Variants in MCUB observed in about 807,000 individuals in gnomAD.
MCUB encodes mitochondrial calcium uniporter dominant negative subunit beta.
A neutral mutation model predicts 41.4 loss-of-function variants in MCUB; 46 were observed. The ratio of observed to expected loss-of-function variants is 1.11; its 90% CI spans 0.88 to 1.42. The LOEUF is 1.42. Among genes scored for constraint, MCUB ranks in the 40% most tolerant of loss-of-function variants. The probability of loss-of-function intolerance (pLI) is 0.00; values close to 1 mark genes in which losing one functional copy is unlikely to be tolerated. For synonymous variants in MCUB, 148 were observed against 148.2 expected, an observed-to-expected ratio of 1.00 and a Z score of 0.01; for missense variants, 403 against 404.9, an observed-to-expected ratio of 1.00 and a Z score of 0.04.
chr4:109,634,289 C>G (rs1189566924), intron 1 of MCUB, among the ~76,000 whole-genome samples: 2 of 151,928 alleles, frequency 1.3e-5, no homozygotes, highest in Admixed American at 6.6e-5. Flanking sequence ...TCGAGACCAG[C>G]CTGACTAACA....
intron 1 of MCUB, among the ~76,000 whole-genome samples, chr4:109,585,817 G>C (rs185527162): frequency 3.9e-5 from 6 of 152,254 alleles, no homozygotes; most frequent in Admixed American, 1.3e-4. Flanking sequence ...CCGAGAGATC[G>C]GCTGTTAGTC....
At chr4:109,568,870 A>G (rs769408857) in intron 1 of MCUB, among the ~76,000 whole-genome samples, 1 of 152,192 alleles carries the variant, frequency 6.6e-6, no homozygotes, top group Admixed American at 6.5e-5. Flanking sequence ...AATAGTATAT[A>G]AAGTTCCTTA....
intron 1 of MCUB, among the ~76,000 whole-genome samples, chr4:109,587,918 T>C (rs1727348175): frequency 6.6e-6 from 1 of 152,226 alleles, no homozygotes; most frequent in South Asian, 2.1e-4. Flanking sequence ...AATGAAAACT[T>C]GATAGCTATT....
chr4:109,562,890 A>C (rs563983997), intron 1 of MCUB, among the ~76,000 whole-genome samples: 14 of 152,180 alleles, frequency 9.2e-5, no homozygotes, highest in South Asian at 2.1e-4. Flanking sequence ...GGAAAAAAAA[A>C]CAGTTTGTTG....
chr4:109,580,924 G>T (rs1285953033), intron 1 of MCUB, among the ~76,000 whole-genome samples: 2 of 152,148 alleles, frequency 1.3e-5, no homozygotes, highest in East Asian at 3.8e-4. Flanking sequence ...TGGGTAGGAA[G>T]AATCAATATC....
At position 109,608,217 on chromosome 4, in the gene MCUB, C is replaced by T. The variant is rs190223275; in HGVS notation, c.99+47781C>T. The stretch of plus-strand genomic sequence containing the variant: ...GTATGTCCATTGTATTCTTCAACTC[C>T]AGAATTTCTGCTTGATTTTTAAAAA... On this transcript the variant is annotated intron_variant, in intron 1 of 7. Transcript: ENST00000394650. 7.5e-3 allele frequency among the ~76,000 whole-genome samples: 1,143 copies of T among 152,212 alleles called. 4 individuals are homozygous for T. The highest frequency in any genetic ancestry group is 0.012 in the Non-Finnish European group (812 of 68,006).
chr4:109,587,904 T>C (rs1263083302), intron 1 of MCUB, among the ~76,000 whole-genome samples: 1 of 152,142 alleles, frequency 6.6e-6, no homozygotes, highest in Non-Finnish European at 1.5e-5. Context: ...AAAATAACAG[T>C]CGAAATGAAA....
intron 1 of MCUB, among the ~76,000 whole-genome samples, chr4:109,573,452 CAAA>C (rs763163538): frequency 4.5e-5 from 4 of 88,980 alleles, no homozygotes; most frequent in Admixed American, 1.3e-4. Flanking sequence ...GACTCCATCT[CAAA>C]AAAAAAAAAA....
chr4:109,655,212 A>G (rs1729064159), intron 1 of MCUB, among the ~76,000 whole-genome samples: 1 of 152,240 alleles, frequency 6.6e-6, no homozygotes, highest in Admixed American at 6.5e-5. Flanking sequence ...AGTTTGTGTG[A>G]ACATAGTTTT....
At chr4:109,565,425 C>T (rs1171577125) in intron 1 of MCUB, among the ~76,000 whole-genome samples, 1 of 152,214 alleles carries the variant, frequency 6.6e-6, no homozygotes, top group Non-Finnish European at 1.5e-5. Context: ...GTACCTTTAA[C>T]TGACTACCAA....
chr4:109,674,112 A>T, intron 4 of MCUB: 1 of 1,437,728 alleles, frequency 7.0e-7, no homozygotes. Flanking sequence ...TCTGGGCAAA[A>T]CCTAAGCCTT....
At chr4:109,673,955 C>T (rs779108274) in intron 4 of MCUB, 3 of 825,040 alleles carry the variant, frequency 3.6e-6, no homozygotes, top group Non-Finnish European at 6.5e-6. Flanking sequence ...GCAGGTTTTG[C>T]AGCAGTTGTT....
Position 109,645,968 on chromosome 4 carries a change from TATACTC to T in MCUB, c.100-13042_100-13037del, listed in dbSNP as rs1728826512. Reference sequence around the variant, plus strand: ...GCAAGTACATACATCAGCATACAAATATACTCTGATGTCTCTCAGCTTAAGAAAGTC... The same window carrying T: ...GCAAGTACATACATCAGCATACAAATTGATGTCTCTCAGCTTAAGAAAGTC... On this transcript the variant is annotated intron_variant, in intron 1 of 7. Coordinates refer to ENST00000394650, the MANE Select transcript of MCUB (RefSeq NM_017918.5). 2.0e-5 allele frequency among the ~76,000 whole-genome samples: 3 copies of T among 152,244 alleles called. No individual in the cohort carries two copies. In the East Asian group the frequency reaches 5.8e-4, roughly 29 times the overall value.
At chr4:109,614,264 A>T (rs951979979) in intron 1 of MCUB, among the ~76,000 whole-genome samples, 1 of 122,992 alleles carries the variant, frequency 8.1e-6, no homozygotes, top group Non-Finnish European at 1.9e-5. Context: ...CCAAATACAG[A>T]GTCTCTTTCC....
intron 4 of MCUB, among the ~76,000 whole-genome samples, chr4:109,676,530 A>G (rs1432963984): frequency 2.0e-5 from 3 of 152,182 alleles, no homozygotes; most frequent in African/African-American, 7.2e-5. Flanking sequence ...TACTCTGTTC[A>G]TGACAATACA....
Position 109,603,825 on chromosome 4 carries a change from G to A in MCUB, c.99+43389G>A, listed in dbSNP as rs183569216. Among the ~76,000 whole-genome samples, 548 of 150,410 alleles carry A rather than the reference G, an allele frequency of 3.6e-3. 7 individuals are homozygous for A. The highest frequency in any genetic ancestry group is 0.014 in the East Asian group (69 of 4,992). On this transcript the variant is annotated intron_variant, in intron 1 of 7. Coordinates refer to ENST00000394650, the MANE Select transcript of MCUB (RefSeq NM_017918.5). The stretch of plus-strand genomic sequence containing the variant: ...TGGGAGGTGGGGGGCACCTCTGCCC[G>A]GCCACCACGTTTGGGAAGTGAGGAG...
Position 109,560,272 on chromosome 4 carries a change from G to A in MCUB, c.-66G>A, listed in dbSNP as rs939826983. 7 of 818,210 alleles carry A rather than the reference G, an allele frequency of 8.6e-6. No homozygotes were observed. Among genetic ancestry groups the A allele is most frequent in the Admixed American group, 8.8e-5 (2 of 22,778 alleles). The allele number at this position is 818,210 out of a possible 1,614,324, so 50.7% of individuals were successfully genotyped here. A position where few individuals can be genotyped will look rare whatever the true frequency, so the allele number is the denominator to read the frequency against. ...CAGCTCGGAGCCACCAGGCGCTGAC[G>A]AGGAGCCCGGCTGAGGGAGGATGCG... is the stretch of plus-strand genomic sequence containing the variant. On this transcript the variant is annotated 5_prime_UTR_variant, in exon 1 of 8. Transcript: ENST00000394650.
intron 1 of MCUB, among the ~76,000 whole-genome samples, chr4:109,642,892 GAT>G (rs1728750162): frequency 3.0e-5 from 3 of 98,474 alleles, no homozygotes; most frequent in Non-Finnish European, 3.8e-5. Flanking sequence ...CTCTCAGCTA[GAT>G]TTTTTTTTTT....
chr4:109,597,759 G>C (rs917470398), intron 1 of MCUB, among the ~76,000 whole-genome samples: 5 of 150,602 alleles, frequency 3.3e-5, no homozygotes, highest in African/African-American at 1.2e-4. Flanking sequence ...CCTCCCGGAC[G>C]GGGTGGCTGC....
Sources: gnomAD v4.1 joint callset for allele counts (sites outside exome capture counted in the v4.1 genomes callset) on GRCh38, gnomAD v4.1.1 for gene constraint, MANE v1.5 for transcripts, NCBI Gene and HGNC (gene_info 2026-07-23, HGNC 2026-07-21) for gene names.